Variants in PHRF1 observed in about 807,000 individuals in gnomAD.
The protein encoded by PHRF1 is PHD and RING finger domain-containing protein 1.
A neutral mutation model predicts 128.9 loss-of-function variants in PHRF1; 53 were observed. That is an observed-to-expected ratio of 0.41 (90% confidence interval 0.33 to 0.52). The LOEUF is 0.52. Ranked by LOEUF, PHRF1 falls within the 20% of genes least tolerant of loss-of-function variation. The pLI, the probability that PHRF1 is intolerant of heterozygous loss-of-function variation, is 0.21. For synonymous variants in PHRF1, 1,178 were observed against 980.6 expected (o/e 1.20, Z -3.76); for missense variants, 2,503 against 2,284.5 (o/e 1.10, Z -1.95).
chr11:591,270 A>T, intron 4 of PHRF1, 114 bp from the exon 5 acceptor site: 1 of 913,938 alleles, frequency 1.1e-6, no homozygotes, highest in Non-Finnish European at 1.7e-6. Flanking sequence ...AGCTTAGTGG[A>T]GGGCCTGGCG....
intron 4 of PHRF1, among the ~76,000 whole-genome samples, chr11:590,939 G>A (rs1412864999): frequency 6.6e-6 from 1 of 152,164 alleles, no homozygotes; most frequent in Non-Finnish European, 1.5e-5. Context: ...CCGACCTCAG[G>A]TAATCTGCCT....
At chr11:603,503 TTTTC>T (rs768316166) in intron 10 of PHRF1, among the ~76,000 whole-genome samples, 4 of 152,004 alleles carry the variant, frequency 2.6e-5, no homozygotes, top group Non-Finnish European at 4.4e-5. Flanking sequence ...ACCTAGCTAA[TTTTC>T]TTTTTTTGGT....
At position 611,595 on chromosome 11, in the gene PHRF1, A is replaced by G. The variant is rs539126830; in HGVS notation, c.4807-39A>G. Reference sequence around the variant, plus strand: ...CTGGGCTCTGGCCCGGAACATCTGGATGTGAAAGGGCATTTGGTGATTGCA... The same window carrying G: ...CTGGGCTCTGGCCCGGAACATCTGGGTGTGAAAGGGCATTTGGTGATTGCA... On this transcript the variant is annotated intron_variant, in intron 17 of 17. Transcript: ENST00000264555. 3.5e-5 allele frequency: 56 copies of G among 1,612,030 alleles called. 1 individual carries two copies. The South Asian group carries it at 6.0e-4, about 17-fold the overall frequency.
At position 608,430 on chromosome 11, in the gene PHRF1, C is replaced by T. The variant is rs766974593; in HGVS notation, c.2974C>T (p.Arg992Trp). Reference sequence around the variant, plus strand: ...AGTCGTGGAGCTCAGGCCCCCTTCCCGGTCCCGCTCCACATCCAGCTCCCG... The same window carrying T: ...AGTCGTGGAGCTCAGGCCCCCTTCCTGGTCCCGCTCCACATCCAGCTCCCG... ...HRVVELRPPS[R>W]SRSTSSSRSR... The change falls in exon 14 of 18, where the codon CGG becomes TGG. Residue 992 changes from arginine to tryptophan, a missense_variant. Physicochemically the swap from Arg to Trp is moderately radical, Grantham distance 101. Transcript: ENST00000264555. 29 of 1,611,816 alleles carry T rather than the reference C, an allele frequency of 1.8e-5. No individual in the cohort carries two copies. The highest frequency in any genetic ancestry group is 2.2e-5 in the Non-Finnish European group (26 of 1,179,662).
At chr11:600,898 A>G (rs1046327466) in intron 9 of PHRF1, among the ~76,000 whole-genome samples, 3 of 151,986 alleles carry the variant, frequency 2.0e-5, no homozygotes, top group African/African-American at 7.2e-5. Context: ...CCTGGGAGGC[A>G]GAGATTGCAG....
chr11:591,207 G>A (rs1321983937), intron 4 of PHRF1, among the ~76,000 whole-genome samples, 177 bp from the exon 5 acceptor site: 1 of 152,230 alleles, frequency 6.6e-6, no homozygotes, highest in Non-Finnish European at 1.5e-5. Context: ...AGGGCTGGCA[G>A]CTCTGCAGGG....
At chr11:609,913 T>C (rs1055481985) in intron 14 of PHRF1, among the ~76,000 whole-genome samples, 193 bp downstream of exon 14, 6 of 151,538 alleles carry the variant, frequency 4.0e-5, no homozygotes, top group African/African-American at 1.5e-4. Flanking sequence ...ACAGGGCCCC[T>C]GAGTGAGTAG....
In PHRF1 at chr11:608,689, G is replaced by A. The variant is rs1856125741; in HGVS notation, c.3233G>A (p.Arg1078Lys). ...KKAKDKSREH[R>K]RGPWGHSRRT... ...GCCAAGGACAAGAGCAGGGAGCACA[G>A]GCGGGGCCCCTGGGGCCACAGCCGG... The change falls in exon 14 of 18, where the codon AGG becomes AAG. Residue 1078 changes from arginine to lysine, a missense_variant. Coordinates refer to ENST00000264555, the MANE Select transcript of PHRF1 (RefSeq NM_001286581.2). The A allele has an allele frequency of 6.2e-7, 1 of 1,612,018 alleles. No homozygotes were observed. The highest frequency in any genetic ancestry group is 1.7e-5 in the Admixed American group (1 of 59,912).
At position 601,513 on chromosome 11, in the gene PHRF1, C is replaced by G. The variant is rs1027170041; in HGVS notation, c.1025-61C>G. On this transcript the variant is annotated intron_variant, in intron 9 of 17. Coordinates refer to ENST00000264555, the MANE Select transcript of PHRF1 (RefSeq NM_001286581.2). ...GGCTCCGTCCACTGGGCTGGACTCA[C>G]AGGAATGGGGCAGGGAGGGCCCAGC... is the stretch of plus-strand genomic sequence containing the variant. The G allele has an allele frequency of 2.7e-5, 43 of 1,605,440 alleles. No individual in the cohort carries two copies. In the South Asian group the frequency reaches 4.6e-4, roughly 17 times the overall value.
At position 607,453 on chromosome 11, in the gene PHRF1, C is replaced by T. The variant is rs377637587; in HGVS notation, c.1997C>T (p.Pro666Leu). 34 of 1,612,722 alleles carry T rather than the reference C, an allele frequency of 2.1e-5. No individual in the cohort carries two copies. The highest frequency in any genetic ancestry group is 8.3e-5 in the Admixed American group (5 of 60,016). ...TGTCGCAGTGTGGTGCCGGGGCCTC[C>T]CCTGAAGCCAGCGCCCAGAAGAACA... Reference protein sequence around the residue: ...PPCRSVVPGPPLKPAPRRTDI... With the variant: ...PPCRSVVPGPLLKPAPRRTDI... Residue 666 changes from proline (P) to leucine (L), a missense_variant, in exon 14 of 18, where the codon CCC becomes CTC. Physicochemically the swap from Pro to Leu is moderately conservative, Grantham distance 98 (BLOSUM62 -3). Coordinates refer to ENST00000264555, the MANE Select transcript of PHRF1 (RefSeq NM_001286581.2).
Position 607,758 on chromosome 11 carries a change from A to G in PHRF1, c.2302A>G (p.Lys768Glu). ...SLAPLGPSRG[K>E]GVGSTFESFR... ...GGCCCCACTGGGACCATCAAGAGGG[A>G]AAGGGGTCGGGTCGACCTTTGAGAG... The change falls in exon 14 of 18, where the codon AAA becomes GAA. Residue 768 changes from lysine to glutamate, a missense_variant. By Grantham distance (56) the Lys-to-Glu change is moderately conservative. Coordinates refer to ENST00000264555, the MANE Select transcript of PHRF1 (RefSeq NM_001286581.2). 1 of 1,612,408 alleles carries G rather than the reference A, an allele frequency of 6.2e-7. No individual in the cohort carries two copies. The highest frequency in any genetic ancestry group is 8.5e-7 in the Non-Finnish European group (1 of 1,179,672).
intron 16 of PHRF1, 29 bp downstream of exon 16, chr11:610,790 A>C (rs763193109): frequency 6.3e-6 from 10 of 1,594,644 alleles, no homozygotes; most frequent in Non-Finnish European, 7.7e-6. Flanking sequence ...CACTTTCCCC[A>C]TGTTCCCATC....
chr11:599,253 C>CTTTTTTTT (rs754658303), intron 9 of PHRF1, among the ~76,000 whole-genome samples: 8 of 104,978 alleles, frequency 7.6e-5, no homozygotes, highest in South Asian at 3.0e-4. Flanking sequence ...TTTTTCTTTT[C>CTTTTTTTT]TTTTTTTTTT....
chr11:590,711 A>AT (rs1366842640), intron 4 of PHRF1, among the ~76,000 whole-genome samples: 5 of 151,828 alleles, frequency 3.3e-5, no homozygotes, highest in Non-Finnish European at 5.9e-5. Context: ...ATGAAAGTAA[A>AT]TTTTTTTTTG....
chr11:607,285 C>T lies in PHRF1; in HGVS notation c.1829C>T (p.Ala610Val), dbSNP rs763632453. 7.4e-6 allele frequency: 12 copies of T among 1,612,576 alleles called. No individual in the cohort carries two copies. Among genetic ancestry groups the T allele is most frequent in the African/African-American group, 5.3e-5 (4 of 74,940 alleles). The change falls in exon 14 of 18, where the codon GCG becomes GTG. Residue 610 changes from alanine (A) to valine (V), a missense_variant. Physicochemically the swap from Ala to Val is moderately conservative, Grantham distance 64. Coordinates refer to ENST00000264555, the MANE Select transcript of PHRF1 (RefSeq NM_001286581.2). ...CTGGACTTGCCAGCAGCCCCTGGGGCGGTTCAGGCTCGGAACTTGTCAAAT... is the reference window on the plus strand; with the variant it reads ...CTGGACTTGCCAGCAGCCCCTGGGGTGGTTCAGGCTCGGAACTTGTCAAAT... ...VRLDLPAAPG[A>V]VQARNLSNGS...
chr11:592,794 CA>C, intron 6 of PHRF1, 120 bp downstream of exon 6: 1 of 1,088,926 alleles, frequency 9.2e-7, no homozygotes, highest in East Asian at 2.4e-5. Context: ...GAGCTGTGCT[CA>C]CCACCCTCAG....
chr11:610,480 C>G, intron 15 of PHRF1, 21 bp from the exon 16 acceptor site: 5 of 1,596,252 alleles, frequency 3.1e-6, no homozygotes, highest in Non-Finnish European at 4.3e-6. Context: ...GCCCAGTGCT[C>G]AGCAGGGGTG....
In PHRF1 at chr11:612,109, A is replaced by G; in HGVS notation, c.*332A>G. On this transcript the variant is annotated 3_prime_UTR_variant, in exon 18 of 18. Coordinates refer to ENST00000264555, the MANE Select transcript of PHRF1 (RefSeq NM_001286581.2). ...GAAGATAAAGCACTTGGTGATCAAG[A>G]GGGGCTCCTGGTGGGGTGGCGCGTC... is the stretch of plus-strand genomic sequence containing the variant. 2.7e-6 allele frequency: 1 copy of G among 371,118 alleles called. No individual in the cohort carries two copies. Among genetic ancestry groups the G allele is most frequent in the Non-Finnish European group, 4.9e-6 (1 of 205,224 alleles). 23.0% of individuals were successfully genotyped at this position (371,118 alleles called of 1,614,324 possible).
rs1413285633 is a variant in PHRF1 at position 610,532 on chromosome 11, C to T, written c.4448C>T (p.Ala1483Val). The change falls in exon 16 of 18, where the codon GCC becomes GTC. Residue 1483 changes from alanine (A) to valine (V), a missense_variant. By Grantham distance (64) the Ala-to-Val change is moderately conservative. Transcript: ENST00000264555. Reference protein sequence around the residue: ...VYSPGLPPAPAQPSSIPPCAL... With the variant: ...VYSPGLPPAPVQPSSIPPCAL... ...AGCCCCGGCCTGCCGCCTGCCCCGGCCCAGCCCTCAAGCATCCCACCCTGC... is the reference window on the plus strand; with the variant it reads ...AGCCCCGGCCTGCCGCCTGCCCCGGTCCAGCCCTCAAGCATCCCACCCTGC... The T allele has an allele frequency of 6.2e-7, 1 of 1,605,246 alleles. No homozygotes were observed. The highest frequency in any genetic ancestry group is 1.7e-5 in the Admixed American group (1 of 59,956).
Sources: allele counts gnomAD v4.1 joint callset (sites outside exome capture counted in the v4.1 genomes callset), GRCh38; gene constraint gnomAD v4.1.1; transcripts MANE v1.5; gene names NCBI Gene and HGNC (gene_info 2026-07-23, HGNC 2026-07-21).